The following NLRP7 variants were observed in gnomAD, a reference collection of about 807,000 sequenced individuals.
The protein encoded by NLRP7 is NLR family pyrin domain containing 7, also known as NACHT, LRR and PYD domains-containing protein 7.
A neutral mutation model predicts 85.5 loss-of-function variants in NLRP7; 72 were observed. The observed-to-expected ratio is 0.84, with a 90% CI of 0.70 to 1.02. The LOEUF (loss-of-function observed/expected upper bound fraction) is 1.02. Ranked by LOEUF, NLRP7 falls within the 50% of genes least tolerant of loss-of-function variation. The pLI is 0.00. For missense variants in NLRP7, 1,243 were observed against 1,219.5 expected, an observed-to-expected ratio of 1.02 and a Z score of -0.29; for synonymous variants, 550 against 505.2, an observed-to-expected ratio of 1.09 and a Z score of -1.19.
exon 4 of NLRP7, chr19:54,940,150 A>C (rs773403761): frequency 6.2e-7 from 1 of 1,614,244 alleles, no homozygotes; most frequent in Non-Finnish European, 8.5e-7. Flanking sequence ...TCAGCTCTGC[A>C]AAACTGCAGG....
intron 1 of NLRP7, among the ~76,000 whole-genome samples, chr19:54,943,078 C>A (rs1024247746): frequency 6.6e-6 from 1 of 151,294 alleles, no homozygotes; most frequent in Non-Finnish European, 1.5e-5. Context: ...ACCCAGGAGG[C>A]GGAGGTTGCA....
At chr19:54,931,509 G>A (rs551282458) in intron 8 of NLRP7, among the ~76,000 whole-genome samples, 1 of 152,158 alleles carries the variant, frequency 6.6e-6, no homozygotes, top group Admixed American at 6.6e-5. Flanking sequence ...AAGCAATATG[G>A]AGAAACCCGT....
upstream of NLRP7, among the ~76,000 whole-genome samples, chr19:54,948,335 G>A (rs922506244): frequency 6.6e-5 from 10 of 152,020 alleles, no homozygotes; most frequent in Admixed American, 2.6e-4. Context: ...AGTGAGGCAC[G>A]ATCACGCCAT....
chr19:54,924,093 G>C (rs1427164368), intron 9 of NLRP7, among the ~76,000 whole-genome samples: 1 of 152,102 alleles, frequency 6.6e-6, no homozygotes, highest in Non-Finnish European at 1.5e-5. Context: ...TCAGGCTCCT[G>C]AGTAACTGTG....
intron 1 of NLRP7, among the ~76,000 whole-genome samples, chr19:54,963,382 A>G (rs1404871317): frequency 2.0e-5 from 3 of 151,960 alleles, no homozygotes; most frequent in Non-Finnish European, 4.4e-5. Context: ...GTACATATAC[A>G]TATGTTGGTT....
At chr19:54,955,141 A>G (rs2069809998) in intron 1 of NLRP7, among the ~76,000 whole-genome samples, 1 of 152,126 alleles carries the variant, frequency 6.6e-6, no homozygotes, top group Admixed American at 6.6e-5. Flanking sequence ...CAGCCTGACC[A>G]ACATGGAGAA....
chr19:54,959,699 C>CA (rs1437386599), intron 1 of NLRP7, among the ~76,000 whole-genome samples: 2 of 151,146 alleles, frequency 1.3e-5, no homozygotes, highest in Non-Finnish European at 2.9e-5. Flanking sequence ...CCTGTTTCTA[C>CA]AAAAAATAAA....
At position 54,938,903 on chromosome 19, in the gene NLRP7, T is replaced by A. The variant is rs781126725; in HGVS notation, c.1916A>T (p.Asp639Val). 2.5e-5 allele frequency: 41 copies of A among 1,614,062 alleles called. No individual in the cohort carries two copies. Among genetic ancestry groups the A allele is most frequent in the Non-Finnish European group, 5.9e-6 (7 of 1,180,040 alleles). ...CAGTTCTTACCTTTCAAATTCAATG[T>A]CCAGTTCAAAATCCATGTAATTCTC... is the stretch of plus-strand genomic sequence containing the variant. The change falls in exon 4 of 10, where the codon GAC becomes GTC. Residue 639 changes from aspartate (D) to valine (V), a missense_variant. Asp to Val is a radical substitution (Grantham distance 152). Around this residue, in one of 3 missense-constraint regions of NLRP7, gnomAD observed 613 missense variants for 588.4 expected, o/e 1.04. Transcript: ENST00000340844.
intron 9 of NLRP7, 60 bp downstream of exon 10, chr19:54,927,545 G>A (rs777986519): frequency 2.1e-4 from 327 of 1,538,606 alleles, no homozygotes; most frequent in Non-Finnish European, 2.6e-4. Flanking sequence ...GACAGAGCAC[G>A]ACTCCATCTC....
intron 8 of NLRP7, among the ~76,000 whole-genome samples, chr19:54,932,122 G>A (rs1451999553): frequency 6.6e-6 from 1 of 152,108 alleles, no homozygotes; most frequent in East Asian, 1.9e-4. Context: ...GTAGGTGACT[G>A]TTTGTTTAAC....
At chr19:54,959,287 C>T (rs1296281202) in intron 1 of NLRP7, among the ~76,000 whole-genome samples, 5 of 141,248 alleles carry the variant, frequency 3.5e-5, no homozygotes, top group East Asian at 2.0e-4. Flanking sequence ...TACAGGCGCA[C>T]GCCACCATGC....
chr19:54,957,346 C>CT (rs369473061), intron 1 of NLRP7, among the ~76,000 whole-genome samples: 8,469 of 128,006 alleles, frequency 0.066, 930 homozygotes, highest in African/African-American at 0.23. Flanking sequence ...TCTTCTTCTT[C>CT]TTTTTTTTTT....
chr19:54,937,327 G>A lies in NLRP7; in HGVS notation c.2129+717C>T, dbSNP rs552101941. Among the ~76,000 whole-genome samples the A allele has an allele frequency of 4.0e-5, 6 of 151,800 alleles. No homozygotes were observed. The East Asian group carries it at 7.8e-4, about 20-fold the overall frequency. On this transcript the variant is annotated intron_variant, in intron 5 of 9. Coordinates refer to ENST00000340844, the Ensembl canonical transcript of NLRP7. ...TGTACAACAAACTCCTATGACACACGGTTACCTGTGTAACTAACCTGTACT... is the reference window on the plus strand; with the variant it reads ...TGTACAACAAACTCCTATGACACACAGTTACCTGTGTAACTAACCTGTACT...
At chr19:54,928,079 G>A (rs1455054585) in intron 9 of NLRP7, among the ~76,000 whole-genome samples, 1 of 152,112 alleles carries the variant, frequency 6.6e-6, no homozygotes, top group Non-Finnish European at 1.5e-5. Context: ...AATTAGCCAT[G>A]CATGGTGGTG....
At chr19:54,945,066 C>A (rs1298848578) in intron 1 of NLRP7, among the ~76,000 whole-genome samples, 3 of 151,398 alleles carry the variant, frequency 2.0e-5, no homozygotes, top group East Asian at 3.9e-4. Flanking sequence ...GGTGAAACCC[C>A]GTCTCTACTA....
At chr19:54,928,498 A>G (rs1323332769) in intron 9 of NLRP7, among the ~76,000 whole-genome samples, 2 of 152,194 alleles carry the variant, frequency 1.3e-5, no homozygotes, top group Non-Finnish European at 2.9e-5. Flanking sequence ...CAGAGTTTTT[A>G]GTGACAGCAG....
At position 54,938,254 on chromosome 19, in the gene NLRP7, A is replaced by G; in HGVS notation, c.1932-13T>C. The G allele has an allele frequency of 6.2e-7, 1 of 1,612,240 alleles. No individual in the cohort carries two copies. The highest frequency in any genetic ancestry group is 1.7e-5 in the Admixed American group (1 of 59,996). ...TAGGTAAGTGCACCTGCAGGAGAAC[A>G]CACGTTCATCTCTTAGGACTAGTAC... On this transcript the variant is annotated splice_polypyrimidine_tract_variant and intron_variant, in intron 4 of 9. Transcript: ENST00000340844.
In NLRP7 at chr19:54,940,014, T is replaced by G. The variant is rs780570940; in HGVS notation, c.805A>C (p.Ile269Leu). ...TTCTTCTTCTCCCAGTCCCCGCAGA[T>G]GTCCTGGATCAGCGCCCCAGGTGGG... Residue 269 changes from isoleucine to leucine, a missense_variant, in exon 4 of 10, where the codon ATC (isoleucine) becomes CTC (leucine). Around this residue, in one of 3 missense-constraint regions of NLRP7, gnomAD observed 591 missense variants for 563.3 expected, o/e 1.05. Coordinates refer to ENST00000340844, the Ensembl canonical transcript of NLRP7. The G allele has an allele frequency of 6.8e-6, 11 of 1,614,050 alleles. No homozygotes were observed. In the African/African-American group the frequency reaches 1.5e-4, roughly 22 times the overall value.
exon 4 of NLRP7, chr19:54,939,563 G>A (rs759722627): frequency 1.9e-6 from 3 of 1,612,586 alleles, no homozygotes; most frequent in Non-Finnish European, 2.5e-6. Flanking sequence ...GCCCTGCGCG[G>A]CCAGGAGGCT....
Sources: allele counts gnomAD v4.1 joint callset (sites outside exome capture counted in the v4.1 genomes callset), GRCh38; gene constraint gnomAD v4.1.1; regional missense constraint gnomAD v4.1.1; transcripts MANE v1.5; gene names NCBI Gene and HGNC (gene_info 2026-07-23, HGNC 2026-07-21).